The following ZC3H7B variants were observed in gnomAD, a reference collection of about 807,000 sequenced individuals.
ZC3H7B encodes zinc finger CCCH domain-containing protein 7B.
A neutral mutation model predicts 116.0 loss-of-function variants in ZC3H7B; 35 were observed. The ratio of observed to expected loss-of-function variants is 0.30; its 90% confidence interval spans 0.23 to 0.40. The LOEUF (loss-of-function observed/expected upper bound fraction) is 0.40, where lower values mean the gene tolerates loss of function less well. Ranked by LOEUF, ZC3H7B falls within the 10% of genes least tolerant of loss-of-function variation. ZC3H7B has a pLI of 1.00. For missense variants in ZC3H7B, 1,011 were observed against 1,321.5 expected (o/e 0.77, Z 3.64); for synonymous variants, 502 against 545.6 (o/e 0.92, Z 1.11).
At chr22:41,330,394 G>A (rs968460990) in intron 6 of ZC3H7B, among the ~76,000 whole-genome samples, 2 of 152,210 alleles carry the variant, frequency 1.3e-5, no homozygotes, top group African/African-American at 4.8e-5. Flanking sequence ...TGACACTGGC[G>A]TCCTTCAGCA....
chr22:41,325,523 C>T (rs763132384), intron 2 of ZC3H7B, 41 bp from the exon 3 acceptor site: 22 of 1,592,822 alleles, frequency 1.4e-5, no homozygotes, highest in Middle Eastern at 1.7e-4. Context: ...AAGCTGGGAC[C>T]GCCGGGCTCA....
Position 41,338,195 on chromosome 22 carries a change from C to A in ZC3H7B, c.583-118C>A, listed in dbSNP as rs1179942493. The A allele has an allele frequency of 2.8e-6, 3 of 1,064,072 alleles. No individual in the cohort carries two copies. Among genetic ancestry groups the A allele is most frequent in the African/African-American group, 3.2e-5 (2 of 62,990 alleles). 65.9% of individuals were successfully genotyped at this position (1,064,072 alleles called of 1,614,324 possible). The stretch of plus-strand genomic sequence containing the variant: ...ATGTGAGGGCTTTAATCTCCCCTGG[C>A]ACTCTAAGTGCTCCTCGGTGCTGGG... On this transcript the variant is annotated intron_variant, in intron 7 of 22. Coordinates refer to ENST00000352645, the MANE Select transcript of ZC3H7B (RefSeq NM_017590.6). The surrounding 1 kb of genome is among the most constrained non-coding windows in gnomAD (Gnocchi z 4.5).
intron 7 of ZC3H7B, chr22:41,336,593 G>A (rs891570700): frequency 2.0e-5 from 3 of 152,090 alleles, no homozygotes; most frequent in Non-Finnish European, 4.4e-5. Context: ...AACCCAGGAG[G>A]CGGAGCTTAC....
At chr22:41,309,612 G>A (rs1459244302) in intron 1 of ZC3H7B, among the ~76,000 whole-genome samples, 1 of 152,142 alleles carries the variant, frequency 6.6e-6, no homozygotes, top group Non-Finnish European at 1.5e-5. Context: ...ACCGCATCCG[G>A]CCCTAATGTA....
chr22:41,351,375 A>C lies in ZC3H7B; in HGVS notation c.1949-186A>C, dbSNP rs190770546. ...TTTCACTTCCAGTGAGGCTCGGAGC[A>C]GGTCTTTGTTCCCATTTTGCAGATG... On this transcript the variant is annotated intron_variant, in intron 16 of 22. Coordinates refer to ENST00000352645, the MANE Select transcript of ZC3H7B (RefSeq NM_017590.6). This position sits in a 1 kb window ranked among gnomAD's most constrained non-coding sequence, Gnocchi z 5.1. Among the ~76,000 whole-genome samples the C allele has an allele frequency of 4.4e-4, 67 of 152,308 alleles. No individual in the cohort carries two copies. The East Asian group carries it at 7.9e-3, about 18-fold the overall frequency.
At position 41,357,475 on chromosome 22, in the gene ZC3H7B, G is replaced by A; in HGVS notation, c.*46G>A. Reference sequence around the variant, plus strand: ...TGAAGTCCTGGGGTCAGGGGGTGGGGTGGGGCCAGAAGGCCTGATAGAAGG... The same window carrying A: ...TGAAGTCCTGGGGTCAGGGGGTGGGATGGGGCCAGAAGGCCTGATAGAAGG... On this transcript the variant is annotated 3_prime_UTR_variant, in exon 23 of 23. Transcript: ENST00000352645. The surrounding 1 kb of genome is among the most constrained non-coding windows in gnomAD (Gnocchi z 5.4). 6.3e-7 allele frequency: 1 copy of A among 1,593,258 alleles called. No individual in the cohort carries two copies. Among genetic ancestry groups the A allele is most frequent in the Non-Finnish European group, 8.5e-7 (1 of 1,171,668 alleles).
At chr22:41,311,068 C>A (rs1353636193) in intron 1 of ZC3H7B, among the ~76,000 whole-genome samples, 2 of 132,136 alleles carry the variant, frequency 1.5e-5, no homozygotes, top group Non-Finnish European at 1.6e-5. Flanking sequence ...CCCAGCCTCA[C>A]TTTTTTTTTT....
intron 13 of ZC3H7B, among the ~76,000 whole-genome samples, chr22:41,343,899 T>C (rs1437773143): frequency 3.3e-5 from 5 of 152,030 alleles, no homozygotes; most frequent in Admixed American, 3.3e-4. Context: ...CTTACCACTG[T>C]AGGGCCCTGA....
Position 41,346,070 on chromosome 22 carries a change from C to T in ZC3H7B, c.1527C>T (p.Ile509=), listed in dbSNP as rs756477703. The part of the protein sequence containing the change: ...NCTFAYHQEE[I]DVWTEERKGT... ...CCTTCGCCTACCATCAGGAGGAGATCGACGTGTGGACCGAGGAGCGGAAGG... is the reference window on the plus strand; with the variant it reads ...CCTTCGCCTACCATCAGGAGGAGATTGACGTGTGGACCGAGGAGCGGAAGG... The change falls in exon 14 of 23, where the codon ATC becomes ATT. Residue 509 remains isoleucine (I), a synonymous_variant. Transcript: ENST00000352645. This position sits in a 1 kb window ranked among gnomAD's most constrained non-coding sequence, Gnocchi z 5.3. The T allele has an allele frequency of 9.9e-6, 16 of 1,614,014 alleles. No homozygotes were observed. Among genetic ancestry groups the T allele is most frequent in the Non-Finnish European group, 1.1e-5 (13 of 1,180,016 alleles).
At chr22:41,353,853 T>C (rs2036682316) in intron 17 of ZC3H7B, among the ~76,000 whole-genome samples, 1 of 152,216 alleles carries the variant, frequency 6.6e-6, no homozygotes, top group East Asian at 1.9e-4. Flanking sequence ...TCCTGTGCAG[T>C]CCTCTTTTCC....
chr22:41,343,277 TGGGAGCTGGCAGGA>T, intron 12 of ZC3H7B, 124 bp from the exon 13 acceptor site: 1 of 1,123,608 alleles, frequency 8.9e-7, no homozygotes, highest in Non-Finnish European at 1.2e-6. Context: ...AAGGGTGTGG[TGGGAGCTGGCAGGA>T]GGCCCTCAGA....
chr22:41,344,350 C>A (rs2036559767), intron 13 of ZC3H7B, among the ~76,000 whole-genome samples: 1 of 152,182 alleles, frequency 6.6e-6, no homozygotes, highest in Non-Finnish European at 1.5e-5. Flanking sequence ...ACTCTTGGGT[C>A]AAAGGCCTCC....
chr22:41,321,340 C>T (rs11912555), intron 2 of ZC3H7B, among the ~76,000 whole-genome samples: 1 of 151,568 alleles, frequency 6.6e-6, no homozygotes, highest in Admixed American at 6.6e-5. Context: ...CTCAGCCTCT[C>T]GAGTAGCTGG....
intron 6 of ZC3H7B, among the ~76,000 whole-genome samples, chr22:41,331,125 G>T (rs1014800188): frequency 6.8e-6 from 1 of 146,088 alleles, no homozygotes. Flanking sequence ...CCAAAGTGCT[G>T]GGATTACAAG....
chr22:41,310,909 T>C (rs894285481), intron 1 of ZC3H7B, among the ~76,000 whole-genome samples: 1 of 151,684 alleles, frequency 6.6e-6, no homozygotes, highest in African/African-American at 2.4e-5. Flanking sequence ...GGACTACAGG[T>C]GCCCGCCACC....
chr22:41,337,122 G>A (rs1036209512), intron 7 of ZC3H7B, among the ~76,000 whole-genome samples: 3 of 151,560 alleles, frequency 2.0e-5, no homozygotes, highest in African/African-American at 7.3e-5. Flanking sequence ...GGCAACAAGA[G>A]CAAATCTCCA....
At chr22:41,347,020 A>G (rs1358447669) in intron 14 of ZC3H7B, among the ~76,000 whole-genome samples, 2 of 151,572 alleles carry the variant, frequency 1.3e-5, no homozygotes, top group East Asian at 1.9e-4. Flanking sequence ...GCTGGCAGGC[A>G]GATATCCCCA....
intron 1 of ZC3H7B, among the ~76,000 whole-genome samples, chr22:41,310,764 A>G (rs2036106736): frequency 6.6e-6 from 1 of 151,440 alleles, no homozygotes; most frequent in Non-Finnish European, 1.5e-5. Context: ...TTAAAAAGGG[A>G]GTTTTTTGTT....
chr22:41,337,754 C>T (rs1233712416), intron 7 of ZC3H7B, among the ~76,000 whole-genome samples: 1 of 152,190 alleles, frequency 6.6e-6, no homozygotes, highest in Non-Finnish European at 1.5e-5. Context: ...TGCCCTCAAC[C>T]ACCCCTCCCT....
Sources: gnomAD v4.1 joint callset for allele counts (sites outside exome capture counted in the v4.1 genomes callset) on GRCh38, gnomAD v4.1.1 for gene constraint, Gnocchi (gnomAD v3.1) non-coding constraint, MANE v1.5 for transcripts, NCBI Gene and HGNC (gene_info 2026-07-23, HGNC 2026-07-21) for gene names.